Variants in PPP1R12B observed in about 807,000 individuals in gnomAD.
PPP1R12B encodes the protein myosin phosphatase target subunit 2.
PPP1R12B carries 76 observed loss-of-function variants against 126.1 expected under a neutral mutation model. The observed-to-expected ratio is 0.60, with a 90% confidence interval of 0.50 to 0.73. The LOEUF (loss-of-function observed/expected upper bound fraction) is 0.73. Ranked by LOEUF, PPP1R12B falls within the 30% of genes least tolerant of loss-of-function variation. The pLI is 0.00. For missense variants in PPP1R12B, 1,052 were observed against 1,205.1 expected, an observed-to-expected ratio of 0.87 and a Z score of 1.88; for synonymous variants, 356 against 434.7, an observed-to-expected ratio of 0.82 and a Z score of 2.25.
At chr1:202,380,084 CCAT>C (rs1212691071) in intron 1 of PPP1R12B, among the ~76,000 whole-genome samples, 1 of 152,084 alleles carries the variant, frequency 6.6e-6, no homozygotes, top group Non-Finnish European at 1.5e-5. Context: ...TTGTTATTTG[CCAT>C]CTCCTGAGCA....
At chr1:202,468,324 C>T (rs1192803049) in intron 13 of PPP1R12B, among the ~76,000 whole-genome samples, 1 of 152,090 alleles carries the variant, frequency 6.6e-6, no homozygotes, top group Non-Finnish European at 1.5e-5. Context: ...AATGGTATTG[C>T]CTAGGTTTTC....
Position 202,583,074 on chromosome 1 carries a change from G to T in PPP1R12B, c.*2514G>T, listed in dbSNP as rs557319762. On this transcript the variant is annotated 3_prime_UTR_variant, in exon 24 of 24. Coordinates refer to ENST00000608999, the MANE Select transcript of PPP1R12B (RefSeq NM_002481.4). ...GAGTACTGTAAGTTCAGTTCTCAGG[G>T]AATGCTAAATTAGAGTAATAAGTTT... is the stretch of plus-strand genomic sequence containing the variant. 2 of 152,100 alleles carry T rather than the reference G, an allele frequency of 1.3e-5. No individual in the cohort carries two copies. Among genetic ancestry groups the T allele is most frequent in the Non-Finnish European group, 2.9e-5 (2 of 68,014 alleles). The allele number at this position is 152,100 out of a possible 1,614,324, so 9.4% of individuals were successfully genotyped here.
In PPP1R12B at chr1:202,419,443, A is replaced by C. The variant is rs1018375764; in HGVS notation, c.422+2526A>C. Among the ~76,000 whole-genome samples the C allele has an allele frequency of 3.9e-5, 6 of 152,190 alleles. No individual in the cohort carries two copies. The highest frequency in any genetic ancestry group is 1.4e-4 in the African/African-American group (6 of 41,452). Reference sequence around the variant, plus strand: ...TAAGGATTCTCAGAGATAAAGTAGAAATTACTTCATAGGTTGATATTTATT... The same window carrying C: ...TAAGGATTCTCAGAGATAAAGTAGACATTACTTCATAGGTTGATATTTATT... On this transcript the variant is annotated intron_variant, in intron 2 of 23. Transcript: ENST00000608999. The surrounding 1 kb of genome is among the most constrained non-coding windows in gnomAD (Gnocchi z 4.6).
intron 18 of PPP1R12B, among the ~76,000 whole-genome samples, chr1:202,556,879 A>G (rs1687008922): frequency 6.6e-6 from 1 of 152,232 alleles, no homozygotes; most frequent in East Asian, 1.9e-4. Flanking sequence ...CACAATAAAT[A>G]GTTTTCCTGG....
At chr1:202,423,673 TTTTG>T (rs768148023) in intron 3 of PPP1R12B, among the ~76,000 whole-genome samples, 9 of 152,074 alleles carry the variant, frequency 5.9e-5, no homozygotes, top group Non-Finnish European at 1.0e-4. Context: ...TTCTGTCCTA[TTTTG>T]TTTGTTTGTT....
At chr1:202,375,504 C>T (rs753714886) in intron 1 of PPP1R12B, among the ~76,000 whole-genome samples, 10 of 152,148 alleles carry the variant, frequency 6.6e-5, no homozygotes, top group Non-Finnish European at 1.3e-4. Flanking sequence ...TTTTACAGGT[C>T]TCAGGTTCAA....
At chr1:202,398,220 T>TTACACGCACATGCA (rs945826728) in intron 1 of PPP1R12B, among the ~76,000 whole-genome samples, 3 of 152,170 alleles carry the variant, frequency 2.0e-5, no homozygotes, top group African/African-American at 7.2e-5. Context: ...AGCTAGTGCA[T>TTACACGCACATGCA]TACACGCACA....
rs1689774419 is a variant in PPP1R12B, at chr1:202,585,728, G to T, written c.*5168G>T. On this transcript the variant is annotated 3_prime_UTR_variant, in exon 24 of 24. Transcript: ENST00000608999. ...TTGGGAAGTGAATTTAATATTGAGG[G>T]TAATTGAATGATGTTGCAATGGCTT... 6.6e-6 allele frequency: 1 copy of T among 152,214 alleles called. No homozygotes were observed. The highest frequency in any genetic ancestry group is 1.5e-5 in the Non-Finnish European group (1 of 68,038). 9.4% of individuals were successfully genotyped at this position (152,214 alleles called of 1,614,324 possible). A position where few individuals can be genotyped will look rare whatever the true frequency, so the allele number is the denominator to read the frequency against.
chr1:202,554,177 G>C (rs1434100945), intron 18 of PPP1R12B, among the ~76,000 whole-genome samples: 4 of 152,012 alleles, frequency 2.6e-5, no homozygotes, highest in Non-Finnish European at 4.4e-5. Context: ...AGTTTCTAGA[G>C]GTATTCCACC....
chr1:202,360,538 G>A (rs1657976650), intron 1 of PPP1R12B, among the ~76,000 whole-genome samples: 2 of 151,954 alleles, frequency 1.3e-5, no homozygotes. Context: ...GTGAAACCCT[G>A]TTTCTACCAA....
intron 9 of PPP1R12B, 39 bp from the exon 10 acceptor site, chr1:202,437,781 AG>A: frequency 2.0e-6 from 3 of 1,536,976 alleles, no homozygotes; most frequent in Non-Finnish European, 2.7e-6. Context: ...GAATCATCAG[AG>A]CCTTTATTTT....
At chr1:202,439,374 C>A in intron 10 of PPP1R12B, 4 of 1,297,972 alleles carry the variant, frequency 3.1e-6, no homozygotes, top group Non-Finnish European at 3.3e-6. Flanking sequence ...ACTCTTGAAG[C>A]TGGTGAAGAA....
chr1:202,504,288 G>A (rs1680572750), intron 18 of PPP1R12B, among the ~76,000 whole-genome samples: 1 of 152,042 alleles, frequency 6.6e-6, no homozygotes, highest in Non-Finnish European at 1.5e-5. Context: ...AGCTACTCGG[G>A]AGGCTGAGGC....
Position 202,582,146 on chromosome 1 carries a change from G to A in PPP1R12B, c.*1586G>A, listed in dbSNP as rs1271577907. 1 of 152,308 alleles carries A rather than the reference G, an allele frequency of 6.6e-6. No individual in the cohort carries two copies. Among genetic ancestry groups the A allele is most frequent in the African/African-American group, 2.4e-5 (1 of 41,572 alleles). 9.4% of individuals were successfully genotyped at this position (152,308 alleles called of 1,614,324 possible). A position where few individuals can be genotyped will look rare whatever the true frequency, so the allele number is the denominator to read the frequency against. ...AACTCTTTAACGGCACTTGAGATAT[G>A]TGCAGTGGGTGGTCTCCCCCTCAGT... On this transcript the variant is annotated 3_prime_UTR_variant, in exon 24 of 24. Coordinates refer to ENST00000608999, the MANE Select transcript of PPP1R12B (RefSeq NM_002481.4).
chr1:202,476,010 G>A (rs987362271), intron 13 of PPP1R12B, among the ~76,000 whole-genome samples: 6 of 151,986 alleles, frequency 3.9e-5, no homozygotes, highest in African/African-American at 1.2e-4. Context: ...GACCAGTCTC[G>A]CCAACATGGT....
At chr1:202,356,021 C>G (rs1657022814) in intron 1 of PPP1R12B, among the ~76,000 whole-genome samples, 2 of 151,486 alleles carry the variant, frequency 1.3e-5, no homozygotes, top group African/African-American at 4.8e-5. Flanking sequence ...CCCTCCCCAC[C>G]CAAAAAAAAA....
At chr1:202,395,593 C>T (rs1664855499) in intron 1 of PPP1R12B, among the ~76,000 whole-genome samples, 1 of 152,236 alleles carries the variant, frequency 6.6e-6, no homozygotes, top group South Asian at 2.1e-4. Context: ...TCACCTATAT[C>T]TGCTCCTCCT....
At chr1:202,553,237 G>C (rs1686503753) in intron 18 of PPP1R12B, among the ~76,000 whole-genome samples, 1 of 152,166 alleles carries the variant, frequency 6.6e-6, no homozygotes, top group Admixed American at 6.6e-5. Flanking sequence ...TTTCTGAGCA[G>C]CTTTTAGTCT....
intron 1 of PPP1R12B, among the ~76,000 whole-genome samples, chr1:202,400,283 A>G (rs1665635043): frequency 6.6e-6 from 1 of 152,210 alleles, no homozygotes; most frequent in Non-Finnish European, 1.5e-5. Flanking sequence ...CATTAAGCAA[A>G]TACATGCTTT....
Sources: gnomAD v4.1 joint callset for allele counts (sites outside exome capture counted in the v4.1 genomes callset) on GRCh38, gnomAD v4.1.1 for gene constraint, Gnocchi (gnomAD v3.1) non-coding constraint, MANE v1.5 for transcripts, NCBI Gene and HGNC (gene_info 2026-07-23, HGNC 2026-07-21) for gene names.